ATE1: variants seen among roughly 807,000 people sequenced by gnomAD.
ATE1 encodes the protein arginyl-tRNA--protein transferase 1.
In ATE1, 36 loss-of-function variants were observed where a neutral mutation model predicts 70.5. The observed-to-expected ratio is 0.51, with a 90% CI of 0.39 to 0.67. The LOEUF is 0.67. ATE1 is among the 30% of genes least tolerant of loss of function. ATE1 has a pLI of 0.00. For missense variants in ATE1, 593 were observed against 629.5 expected (o/e 0.94, Z 0.62); for synonymous variants, 232 against 219.3 (o/e 1.06, Z -0.51).
At chr10:121,891,850 C>G (rs948195577) in intron 7 of ATE1, among the ~76,000 whole-genome samples, 9 of 152,112 alleles carry the variant, frequency 5.9e-5, no homozygotes, top group African/African-American at 2.2e-4. Flanking sequence ...AATGTATTTT[C>G]TTGAACATAA....
intron 11 of ATE1, among the ~76,000 whole-genome samples, chr10:121,756,138 A>G (rs560965049): frequency 1.3e-5 from 2 of 152,186 alleles, no homozygotes; most frequent in African/African-American, 4.8e-5. Flanking sequence ...CCAAAACAAA[A>G]GGGCTACAGG....
intron 10 of ATE1, among the ~76,000 whole-genome samples, chr10:121,816,439 T>TA (rs1190047030): frequency 6.6e-6 from 1 of 152,230 alleles, no homozygotes; most frequent in Admixed American, 6.5e-5. Flanking sequence ...ATCAATGGAC[T>TA]AGTGCCTTAG....
At chr10:121,837,853 A>T (rs1948484709) in intron 9 of ATE1, among the ~76,000 whole-genome samples, 1 of 152,146 alleles carries the variant, frequency 6.6e-6, no homozygotes, top group Non-Finnish European at 1.5e-5. Context: ...CAAGCGTAAG[A>T]CCACCAATTC....
intron 3 of ATE1, among the ~76,000 whole-genome samples, chr10:121,920,366 T>C (rs1951830976): frequency 6.6e-6 from 1 of 151,386 alleles, no homozygotes; most frequent in Non-Finnish European, 1.5e-5. Flanking sequence ...ACCCCTTTTC[T>C]ATAAAAAAAA....
chr10:121,924,467 A>G (rs528124866), intron 1 of ATE1, 138 bp from the exon 2 acceptor site: 22 of 720,226 alleles, frequency 3.1e-5, no homozygotes, highest in East Asian at 6.0e-5. Context: ...CTGGGAGGCC[A>G]AGGCGGGCAA....
At chr10:121,792,892 A>G (rs1329155274) in intron 10 of ATE1, among the ~76,000 whole-genome samples, 1 of 152,222 alleles carries the variant, frequency 6.6e-6, no homozygotes, top group East Asian at 1.9e-4. Flanking sequence ...TTTCTTTTGT[A>G]AACAAAATGA....
Position 121,927,825 on chromosome 10 carries a change from GCCGGCC to G in ATE1, c.106+13_106+18del. 6.5e-7 allele frequency: 1 copy of G among 1,546,602 alleles called. No individual in the cohort carries two copies. Among genetic ancestry groups the G allele is most frequent in the South Asian group, 1.2e-5 (1 of 83,676 alleles). On this transcript the variant is annotated intron_variant, in intron 1 of 11. Transcript: ENST00000224652. ...CCCGGGCGCCCGGCTTCCCACGCCC[GCCGGCC>G]CGGCTCGCTCACCATTGGAGCGGCT...
chr10:121,856,983 G>T (rs1949273711), intron 8 of ATE1, among the ~76,000 whole-genome samples: 1 of 152,194 alleles, frequency 6.6e-6, no homozygotes, highest in Non-Finnish European at 1.5e-5. Context: ...ATCTAAGTTT[G>T]TGTTCAACTA....
chr10:121,819,560 AG>A (rs781277974), intron 10 of ATE1, among the ~76,000 whole-genome samples: 3 of 149,546 alleles, frequency 2.0e-5, no homozygotes, highest in Non-Finnish European at 3.0e-5. Flanking sequence ...AAATAAAATT[AG>A]CCAGGCGTGG....
intron 1 of ATE1, among the ~76,000 whole-genome samples, chr10:121,925,786 G>A (rs924385595): frequency 5.3e-5 from 8 of 152,092 alleles, no homozygotes; most frequent in Non-Finnish European, 8.8e-5. Flanking sequence ...GGAGGCTGAG[G>A]TGGGAGGAGG....
At chr10:121,751,025 C>T (rs749938576) in intron 11 of ATE1, among the ~76,000 whole-genome samples, 2 of 152,118 alleles carry the variant, frequency 1.3e-5, no homozygotes, top group Non-Finnish European at 2.9e-5. Flanking sequence ...CATAAAATAG[C>T]AAAAGAACAG....
rs71022864 is a variant in ATE1 at position 121,778,564 on chromosome 10, C to CT, written c.1378+11604dup. Among the ~76,000 whole-genome samples the CT allele has an allele frequency of 1.3e-3, 75 of 57,196 alleles. 6 individuals carry two copies. The highest frequency in any genetic ancestry group is 4.5e-3 in the African/African-American group (64 of 14,128). 37.5% of individuals were successfully genotyped at this position (57,196 alleles called of 152,430 possible). Reference sequence around the variant, plus strand: ...AACAAAAACCTCCAGATGTGGCCAGCTTTTTTTTTTTTTTTTTTTTTTTTT... The same window carrying CT: ...AACAAAAACCTCCAGATGTGGCCAGCTTTTTTTTTTTTTTTTTTTTTTTTTT... On this transcript the variant is annotated intron_variant, in intron 11 of 11. Coordinates refer to ENST00000224652, the MANE Select transcript of ATE1 (RefSeq NM_001001976.3).
chr10:121,812,760 G>A (rs1332831729), intron 10 of ATE1, among the ~76,000 whole-genome samples: 3 of 152,120 alleles, frequency 2.0e-5, no homozygotes, highest in African/African-American at 7.2e-5. Flanking sequence ...ACTCCGTGTA[G>A]CTAAACATGC....
chr10:121,818,094 T>C (rs1274199090), intron 10 of ATE1, among the ~76,000 whole-genome samples: 1 of 151,290 alleles, frequency 6.6e-6, no homozygotes, highest in Non-Finnish European at 1.5e-5. Context: ...TGAGACCCCG[T>C]CTCTAGAAAA....
At chr10:121,838,047 A>C (rs1031824892) in intron 9 of ATE1, among the ~76,000 whole-genome samples, 19 of 152,030 alleles carry the variant, frequency 1.2e-4, no homozygotes, top group African/African-American at 4.3e-4. Context: ...ATATGTCTTG[A>C]ATCTGACCAC....
At chr10:121,747,325 C>T (rs1278762211) in intron 11 of ATE1, among the ~76,000 whole-genome samples, 4 of 152,204 alleles carry the variant, frequency 2.6e-5, no homozygotes, top group Admixed American at 2.6e-4. Context: ...CCTCGCCCTC[C>T]ACCTGTTCTG....
intron 9 of ATE1, among the ~76,000 whole-genome samples, chr10:121,838,289 C>G (rs1265201659): frequency 6.6e-6 from 1 of 152,056 alleles, no homozygotes; most frequent in Non-Finnish European, 1.5e-5. Context: ...CCTACAAGTG[C>G]TATTCCACCT....
At chr10:121,925,569 T>C (rs1044659429) in intron 1 of ATE1, among the ~76,000 whole-genome samples, 7 of 152,012 alleles carry the variant, frequency 4.6e-5, no homozygotes, top group Non-Finnish European at 8.8e-5. Context: ...AGGAAACATT[T>C]AAAGGCATAT....
chr10:121,744,126 T>C lies in ATE1; in HGVS notation c.1379-268A>G, dbSNP rs962102938. Among the ~76,000 whole-genome samples the C allele has an allele frequency of 2.0e-5, 3 of 151,652 alleles. No homozygotes were observed. In the South Asian group the frequency reaches 6.3e-4, roughly 32 times the overall value. On this transcript the variant is annotated intron_variant, in intron 11 of 11. Coordinates refer to ENST00000224652, the MANE Select transcript of ATE1 (RefSeq NM_001001976.3). ...TTAGTAGAGATGGGATTTCACCATGTTGGCCAGGCTGTCTCGAACTCCTAA... is the reference window on the plus strand; with the variant it reads ...TTAGTAGAGATGGGATTTCACCATGCTGGCCAGGCTGTCTCGAACTCCTAA...
Sources: gnomAD v4.1 joint callset for allele counts (sites outside exome capture counted in the v4.1 genomes callset) on GRCh38, gnomAD v4.1.1 for gene constraint, MANE v1.5 for transcripts, NCBI Gene and HGNC (gene_info 2026-07-23, HGNC 2026-07-21) for gene names.